HS3ST2: variants seen among roughly 807,000 people sequenced by gnomAD.
HS3ST2 encodes the protein heparan sulfate-glucosamine 3-sulfotransferase 2.
HS3ST2 carries 17 observed loss-of-function variants against 26.3 expected under a neutral mutation model. That is an observed-to-expected ratio of 0.65 (90% CI 0.44 to 0.97). The LOEUF (loss-of-function observed/expected upper bound fraction) is 0.97. HS3ST2 is among the 50% of genes least tolerant of loss of function. The probability of loss-of-function intolerance (pLI) is 0.00; values close to 1 mark genes in which losing one functional copy is unlikely to be tolerated. For missense variants in HS3ST2, 402 were observed against 501.2 expected, an observed-to-expected ratio of 0.80 and a Z score of 1.89; for synonymous variants, 237 against 219.2, an observed-to-expected ratio of 1.08 and a Z score of -0.72.
Position 22,814,756 on chromosome 16 carries a change from T to C in HS3ST2, c.146T>C (p.Leu49Pro), listed in dbSNP as rs200093528. 132 of 1,607,344 alleles carry C rather than the reference T, an allele frequency of 8.2e-5. 1 individual carries two copies. The East Asian group carries it at 2.6e-3, about 32-fold the overall frequency. The change falls in exon 1 of 2, where the codon CTC (leucine) becomes CCC (proline). Residue 49 changes from leucine (L) to proline (P), a missense_variant. Transcript: ENST00000261374. ...CCCDDLGRSRLLGAPRCLRGP... is the reference protein window; with the variant it reads ...CCCDDLGRSRPLGAPRCLRGP... ...TGCGACGACCTGGGTCGGAGCCGCC[T>C]CCTCGGCGCGCCTCGCTGCCTCCGC...
At chr16:22,884,311 C>T (rs907527802) in intron 1 of HS3ST2, among the ~76,000 whole-genome samples, 31 of 152,242 alleles carry the variant, frequency 2.0e-4, no homozygotes, top group African/African-American at 7.2e-4. Flanking sequence ...AAGGAATAGA[C>T]AGGTTAAATA....
intron 1 of HS3ST2, among the ~76,000 whole-genome samples, chr16:22,820,090 G>C (rs2141174129): frequency 1.3e-5 from 2 of 152,296 alleles, no homozygotes; most frequent in Middle Eastern, 3.4e-3. Context: ...TGCAGACTTA[G>C]GCCTTTATAC....
intron 1 of HS3ST2, among the ~76,000 whole-genome samples, chr16:22,824,463 C>T (rs973803994): frequency 3.3e-4 from 51 of 152,250 alleles, no homozygotes; most frequent in African/African-American, 1.2e-3. Context: ...AAGAGAATGG[C>T]GTGAACCCGG....
rs548522698 is a variant in HS3ST2, at chr16:22,853,715, G to A, written c.485+38620G>A. Reference sequence around the variant, plus strand: ...CTAAGAAGAGGAGAGAGCATTGTGGGACAGGCAGAGGTCCCTACAGCAGAA... The same window carrying A: ...CTAAGAAGAGGAGAGAGCATTGTGGAACAGGCAGAGGTCCCTACAGCAGAA... On this transcript the variant is annotated intron_variant, in intron 1 of 1. Transcript: ENST00000261374. Among the ~76,000 whole-genome samples, 266 of 152,274 alleles carry A rather than the reference G, an allele frequency of 1.7e-3. 2 individuals carry two copies. The highest frequency in any genetic ancestry group is 5.4e-3 in the African/African-American group (223 of 41,558).
At chr16:22,901,264 G>A (rs1009839361) in intron 1 of HS3ST2, among the ~76,000 whole-genome samples, 8 of 152,176 alleles carry the variant, frequency 5.3e-5, no homozygotes, top group South Asian at 2.1e-4. Context: ...TCAATTAGCC[G>A]ATTCTGATTA....
intron 1 of HS3ST2, among the ~76,000 whole-genome samples, chr16:22,883,133 T>C (rs1902013926): frequency 6.6e-6 from 1 of 152,152 alleles, no homozygotes. Flanking sequence ...TGCAGAATAT[T>C]ATAAAGTGCC....
At chr16:22,816,724 G>A (rs1401564958) in intron 1 of HS3ST2, among the ~76,000 whole-genome samples, 3 of 152,330 alleles carry the variant, frequency 2.0e-5, no homozygotes, top group East Asian at 1.9e-4. Flanking sequence ...GTCAGATCCC[G>A]GGATGGAGGA....
intron 1 of HS3ST2, among the ~76,000 whole-genome samples, chr16:22,898,577 T>TG (rs1364224610): frequency 6.6e-6 from 1 of 152,122 alleles, no homozygotes; most frequent in Non-Finnish European, 1.5e-5. Flanking sequence ...GGGAAAGGAC[T>TG]GGGGGATTCA....
At chr16:22,838,418 G>A (rs1901303024) in intron 1 of HS3ST2, among the ~76,000 whole-genome samples, 1 of 152,122 alleles carries the variant, frequency 6.6e-6, no homozygotes, top group African/African-American at 2.4e-5. Flanking sequence ...TTGACAGCTG[G>A]TGGAGGCCTC....
At chr16:22,819,034 CCTTCAT>C (rs1484410240) in intron 1 of HS3ST2, among the ~76,000 whole-genome samples, 2 of 45,594 alleles carry the variant, frequency 4.4e-5, no homozygotes, top group African/African-American at 8.1e-5. Context: ...TTCCTTCCTT[CCTTCAT>C]TCCTTCCTTC....
At chr16:22,897,323 G>A (rs147018581) in intron 1 of HS3ST2, among the ~76,000 whole-genome samples, 7 of 152,226 alleles carry the variant, frequency 4.6e-5, no homozygotes, top group African/African-American at 7.2e-5. Context: ...ATTTATAGCC[G>A]TGACTTCAGC....
At chr16:22,838,158 T>C (rs1901297029) in intron 1 of HS3ST2, among the ~76,000 whole-genome samples, 1 of 152,138 alleles carries the variant, frequency 6.6e-6, no homozygotes, top group South Asian at 2.1e-4. Context: ...TGTTCAGCTC[T>C]AGAATCTGTG....
intron 1 of HS3ST2, among the ~76,000 whole-genome samples, chr16:22,829,163 A>G (rs1432741213): frequency 6.6e-6 from 1 of 152,168 alleles, no homozygotes; most frequent in Non-Finnish European, 1.5e-5. Context: ...GCTGTTCTGA[A>G]TATGTCATTT....
chr16:22,901,862 A>G (rs746103500), intron 1 of HS3ST2, among the ~76,000 whole-genome samples: 3 of 152,098 alleles, frequency 2.0e-5, no homozygotes. Flanking sequence ...AAATAATATC[A>G]ATGGAGACTT....
Position 22,915,733 on chromosome 16 carries a change from G to A in HS3ST2, c.*171G>A, listed in dbSNP as rs1902487193. 2.1e-5 allele frequency: 14 copies of A among 680,236 alleles called. No homozygotes were observed. Among genetic ancestry groups the A allele is most frequent in the Non-Finnish European group, 3.2e-5 (13 of 401,890 alleles). 42.1% of individuals were successfully genotyped at this position (680,236 alleles called of 1,614,324 possible). On this transcript the variant is annotated 3_prime_UTR_variant, in exon 2 of 2. Transcript: ENST00000261374. ...CCAGCTAAAGCCAAGAGACCAGAGA[G>A]TCCCTGCCACTAGTTTTCATCAGTC...
Position 22,914,736 on chromosome 16 carries a change from CAAAAAAAAAA to C in HS3ST2, c.486-189_486-180del, listed in dbSNP as rs1159639879. 2.6e-3 allele frequency among the ~76,000 whole-genome samples: 95 copies of C among 35,952 alleles called. 2 individuals carry two copies. Among genetic ancestry groups the C allele is most frequent in the African/African-American group, 8.2e-3 (85 of 10,362 alleles). 23.6% of individuals were successfully genotyped at this position (35,952 alleles called of 152,430 possible). A position where few individuals can be genotyped will look rare whatever the true frequency, so the allele number is the denominator to read the frequency against. On this transcript the variant is annotated intron_variant, in intron 1 of 1. Transcript: ENST00000261374. ...TGGGCGACAGAGTGAGACCTTGTCT[CAAAAAAAAAA>C]AAAAAAAAAAAAAAAAAAGAGAAGA...
At chr16:22,876,316 A>G (rs1035273676) in intron 1 of HS3ST2, among the ~76,000 whole-genome samples, 2 of 152,236 alleles carry the variant, frequency 1.3e-5, no homozygotes, top group African/African-American at 4.8e-5. Flanking sequence ...TCGAAAAAAA[A>G]GATATACAAA....
rs554183638 is a variant in HS3ST2 at position 22,842,704 on chromosome 16, C to T, written c.485+27609C>T. On this transcript the variant is annotated intron_variant, in intron 1 of 1. Transcript: ENST00000261374. ...TCTCTCTACTTCCTCCTCCCAGAGC[C>T]TCCTGTTAGACACATGTTACACCTT... is the stretch of plus-strand genomic sequence containing the variant. Among the ~76,000 whole-genome samples the T allele has an allele frequency of 8.5e-5, 13 of 152,306 alleles. No individual in the cohort carries two copies. In the South Asian group the frequency reaches 2.5e-3, roughly 29 times the overall value.
At chr16:22,830,953 G>A (rs1213537844) in intron 1 of HS3ST2, among the ~76,000 whole-genome samples, 1 of 152,200 alleles carries the variant, frequency 6.6e-6, no homozygotes, top group East Asian at 1.9e-4. Context: ...GAAATAGAAT[G>A]TAGTCATAAA....
Sources: allele counts gnomAD v4.1 joint callset (sites outside exome capture counted in the v4.1 genomes callset), GRCh38; gene constraint gnomAD v4.1.1; transcripts MANE v1.5; gene names NCBI Gene and HGNC (gene_info 2026-07-23, HGNC 2026-07-21).